The following CFAP58 variants were observed in gnomAD, a reference collection of about 807,000 sequenced individuals.
CFAP58 encodes the protein cilia and flagella associated protein 58.
Under a neutral mutation model 119.5 loss-of-function variants are expected in CFAP58, and 88 were observed. That is an observed-to-expected ratio of 0.74 (90% CI 0.62 to 0.88). CFAP58 has a LOEUF of 0.88. Among genes scored for constraint, CFAP58 ranks in the 40% least tolerant of loss-of-function variants. CFAP58 has a pLI of 0.00. For synonymous variants in CFAP58, 365 were observed against 366.3 expected (o/e 1.00, Z 0.04); for missense variants, 990 against 1,021.2 (o/e 0.97, Z 0.42).
At chr10:104,382,102 T>C (rs1459401761) in intron 9 of CFAP58, 1 of 717,436 alleles carries the variant, frequency 1.4e-6, no homozygotes, top group South Asian at 1.5e-5. Context: ...GCTGCATCCC[T>C]CCTTTTTGTC....
intron 9 of CFAP58, among the ~76,000 whole-genome samples, chr10:104,390,945 C>T (rs1430435263): frequency 6.6e-6 from 1 of 152,094 alleles, no homozygotes; most frequent in Non-Finnish European, 1.5e-5. Context: ...AATTCAATCC[C>T]ATCCCTCCTT....
intron 14 of CFAP58, among the ~76,000 whole-genome samples, chr10:104,405,328 A>G (rs185775778): frequency 8.5e-4 from 130 of 152,360 alleles, no homozygotes; most frequent in African/African-American, 3.0e-3. Context: ...TACTAACCCA[A>G]TAGTAATATG....
intron 3 of CFAP58, among the ~76,000 whole-genome samples, chr10:104,363,313 G>A (rs946428457): frequency 9.9e-5 from 15 of 152,156 alleles, no homozygotes; most frequent in Non-Finnish European, 1.5e-4. Context: ...TGGCATCAAC[G>A]AATGAATCAG....
chr10:104,435,839 A>G (rs1271281266), intron 15 of CFAP58, among the ~76,000 whole-genome samples: 1 of 152,158 alleles, frequency 6.6e-6, no homozygotes, highest in Non-Finnish European at 1.5e-5. Flanking sequence ...ATTTCTTAAA[A>G]CTTATTTGTC....
chr10:104,420,872 C>G (rs1259249530), intron 15 of CFAP58, among the ~76,000 whole-genome samples: 1 of 151,710 alleles, frequency 6.6e-6, no homozygotes, highest in East Asian at 1.9e-4. Context: ...CCCACCTCAG[C>G]CTCCTGAGTA....
chr10:104,343,072 AG>A, the CFAP58 span, among the ~76,000 whole-genome samples: 1 of 152,130 alleles, frequency 6.6e-6, no homozygotes, highest in Non-Finnish European at 1.5e-5. Context: ...CATCTGATGG[AG>A]GGGAAAAAAG....
the CFAP58 span, among the ~76,000 whole-genome samples, chr10:104,344,567 G>C: frequency 6.6e-6 from 1 of 151,980 alleles, no homozygotes; most frequent in Middle Eastern, 3.2e-3. Context: ...CTGTCCTCAG[G>C]ATACTTCTAT....
intron 12 of CFAP58, 130 bp downstream of exon 12, chr10:104,399,630 A>C: frequency 1.1e-6 from 1 of 914,086 alleles, no homozygotes; most frequent in Non-Finnish European, 1.6e-6. Context: ...GCAGAGACCC[A>C]TCTTGTGTTG....
At chr10:104,349,009 G>A (rs2014429472), upstream of CFAP58, among the ~76,000 whole-genome samples, 1 of 152,168 alleles carries the variant, frequency 6.6e-6, no homozygotes, top group South Asian at 2.1e-4. Flanking sequence ...CATTTTGGGA[G>A]GCCACGGCAG....
chr10:104,358,746 T>G (rs1589907389), intron 2 of CFAP58, 124 bp downstream of exon 2: 1 of 820,780 alleles, frequency 1.2e-6, no homozygotes, highest in East Asian at 2.7e-5. Flanking sequence ...TTATATTCAT[T>G]AAGCCTAAGG....
At chr10:104,442,330 C>G (rs1219431121) in intron 15 of CFAP58, among the ~76,000 whole-genome samples, 1 of 152,144 alleles carries the variant, frequency 6.6e-6, no homozygotes, top group African/African-American at 2.4e-5. Context: ...TGGCTCATGC[C>G]TGTAATCCCA....
intron 2 of CFAP58, 130 bp from the exon 3 acceptor site, chr10:104,361,893 A>C: frequency 1.2e-6 from 1 of 825,426 alleles, no homozygotes; most frequent in Non-Finnish European, 1.9e-6. Context: ...TGACTAGCTC[A>C]TGTTAAACAA....
chr10:104,447,555 A>G (rs1264492538), intron 15 of CFAP58, 143 bp from the exon 16 acceptor site: 1 of 996,840 alleles, frequency 1.0e-6, no homozygotes, highest in East Asian at 2.5e-5. Flanking sequence ...GCATGACTGA[A>G]TGAATCTGTG....
At chr10:104,435,974 C>T (rs78877932) in intron 15 of CFAP58, among the ~76,000 whole-genome samples, 4,756 of 152,216 alleles carry the variant, frequency 0.031, 270 homozygotes, top group African/African-American at 0.11. Context: ...AGAGGCTTGA[C>T]GTGCCAGAGT....
intron 15 of CFAP58, among the ~76,000 whole-genome samples, chr10:104,411,753 G>A (rs2133056097): frequency 6.7e-6 from 1 of 150,200 alleles, no homozygotes; most frequent in African/African-American, 2.4e-5. Flanking sequence ...AATTCTTAGG[G>A]AAGCAACTTT....
intron 15 of CFAP58, among the ~76,000 whole-genome samples, chr10:104,409,029 A>C (rs1287562588): frequency 6.6e-6 from 1 of 152,064 alleles, no homozygotes; most frequent in Non-Finnish European, 1.5e-5. Context: ...GAGCCCATGA[A>C]TTCGAGGCTG....
chr10:104,365,002 T>C, intron 4 of CFAP58, 113 bp downstream of exon 4: 1 of 1,028,534 alleles, frequency 9.7e-7, no homozygotes, highest in Non-Finnish European at 1.4e-6. Flanking sequence ...AGCGCCCAAA[T>C]GAAACATCCT....
intron 10 of CFAP58, 31 bp downstream of exon 10, chr10:104,392,425 G>A: frequency 7.0e-7 from 1 of 1,434,924 alleles, no homozygotes; most frequent in Non-Finnish European, 9.3e-7. Flanking sequence ...CTTACATTTT[G>A]ATTTATTTTT....
intron 7 of CFAP58, among the ~76,000 whole-genome samples, chr10:104,372,732 T>C (rs1356725457): frequency 6.6e-6 from 1 of 152,254 alleles, no homozygotes; most frequent in Non-Finnish European, 1.5e-5. Context: ...TTGCTTGCAA[T>C]AGTTCTAAGC....
Sources: gnomAD v4.1 joint callset for allele counts (sites outside exome capture counted in the v4.1 genomes callset) on GRCh38, gnomAD v4.1.1 for gene constraint, MANE v1.5 for transcripts, NCBI Gene and HGNC (gene_info 2026-07-23, HGNC 2026-07-21) for gene names.